The following MAGI1 variants were observed in gnomAD, a reference collection of about 807,000 sequenced individuals.
The protein encoded by MAGI1 is membrane associated guanylate kinase, WW and PDZ domain containing 1.
MAGI1 carries 58 observed loss-of-function variants against 139.9 expected under a neutral mutation model. That is an observed-to-expected ratio of 0.41 (90% confidence interval 0.34 to 0.52). The LOEUF is 0.52. Among genes scored for constraint, MAGI1 ranks in the 20% least tolerant of loss-of-function variants. MAGI1 has a pLI of 0.12. For synonymous variants in MAGI1, 812 were observed against 737.9 expected (o/e 1.10, Z -1.63); for missense variants, 1,874 against 1,901.6 (o/e 0.99, Z 0.27).
intron 22 of MAGI1, among the ~76,000 whole-genome samples, chr3:65,357,458 CCT>C (rs1229628997): frequency 2.6e-5 from 4 of 152,114 alleles, no homozygotes; most frequent in African/African-American, 7.2e-5. Context: ...ATCAAAATTT[CCT>C]CTCTGTAGCT....
chr3:65,666,211 T>C (rs1273185047), intron 1 of MAGI1, among the ~76,000 whole-genome samples: 3 of 152,198 alleles, frequency 2.0e-5, no homozygotes, highest in Admixed American at 6.5e-5. Context: ...TTTAAAACTT[T>C]CCATGTGTGT....
intron 1 of MAGI1, among the ~76,000 whole-genome samples, chr3:65,734,451 C>A (rs2034498473): frequency 2.3e-5 from 3 of 128,910 alleles, no homozygotes; most frequent in African/African-American, 3.3e-5. Context: ...CAGAGTGAGA[C>A]CCTGTCAAGA....
chr3:65,786,165 A>C (rs1319401360), intron 1 of MAGI1, among the ~76,000 whole-genome samples: 1 of 151,168 alleles, frequency 6.6e-6, no homozygotes, highest in East Asian at 2.0e-4. Context: ...CTTGTTGGCC[A>C]GGCTGGTCTC....
chr3:65,499,707 C>T (rs2077010395), intron 2 of MAGI1, among the ~76,000 whole-genome samples: 1 of 152,034 alleles, frequency 6.6e-6, no homozygotes, highest in South Asian at 2.1e-4. Context: ...AAACAAATTA[C>T]AGATTAAGAT....
intron 1 of MAGI1, among the ~76,000 whole-genome samples, chr3:65,854,016 G>A (rs907266785): frequency 2.6e-5 from 4 of 152,102 alleles, no homozygotes; most frequent in African/African-American, 9.7e-5. Context: ...GCTGAAGCAG[G>A]AGAATCACTT....
At chr3:65,833,818 T>G (rs2042659311) in intron 1 of MAGI1, among the ~76,000 whole-genome samples, 1 of 152,240 alleles carries the variant, frequency 6.6e-6, no homozygotes, top group African/African-American at 2.4e-5. Context: ...AACAATTACA[T>G]GAAGCCAAAA....
chr3:65,523,676 T>C (rs977186081), intron 2 of MAGI1, among the ~76,000 whole-genome samples: 1 of 152,146 alleles, frequency 6.6e-6, no homozygotes, highest in Non-Finnish European at 1.5e-5. Flanking sequence ...CCTCATGTGC[T>C]TGAAAAGGAA....
intron 1 of MAGI1, 28 bp from the exon 2 acceptor site, chr3:65,622,116 C>G (rs748767368): frequency 2.0e-6 from 3 of 1,473,370 alleles, no homozygotes; most frequent in South Asian, 1.1e-5. Context: ...AATAGACATA[C>G]CACATCAACA....
intron 1 of MAGI1, among the ~76,000 whole-genome samples, chr3:65,889,778 G>A (rs1025366517): frequency 1.3e-5 from 2 of 152,156 alleles, no homozygotes; most frequent in African/African-American, 4.8e-5. Context: ...TGGGGGCATG[G>A]GGGGTTGTCA....
At chr3:65,598,606 G>A (rs2082340392) in intron 2 of MAGI1, among the ~76,000 whole-genome samples, 2 of 152,152 alleles carry the variant, frequency 1.3e-5, no homozygotes, top group South Asian at 2.1e-4. Flanking sequence ...GAATTTGAAG[G>A]ATCCACTTTC....
chr3:65,414,748 G>A (rs1371090961), intron 12 of MAGI1, among the ~76,000 whole-genome samples: 1 of 151,690 alleles, frequency 6.6e-6, no homozygotes, highest in East Asian at 1.9e-4. Context: ...AGAAAAAAAA[G>A]AGGCACTGGG....
intron 1 of MAGI1, among the ~76,000 whole-genome samples, chr3:65,826,687 A>G (rs2042247815): frequency 6.6e-6 from 1 of 152,222 alleles, no homozygotes; most frequent in Non-Finnish European, 1.5e-5. Flanking sequence ...GTCTCTAATT[A>G]CATTAAGGGC....
At chr3:65,894,593 T>C (rs192535776) in intron 1 of MAGI1, among the ~76,000 whole-genome samples, 1 of 152,322 alleles carries the variant, frequency 6.6e-6, no homozygotes, top group East Asian at 1.9e-4. Flanking sequence ...TGAGGATTCG[T>C]GTAAGAAAAG....
At chr3:65,942,182 A>G (rs1050484936) in intron 1 of MAGI1, among the ~76,000 whole-genome samples, 8 of 152,092 alleles carry the variant, frequency 5.3e-5, no homozygotes, top group South Asian at 2.1e-4. Flanking sequence ...GTCTGAGAGA[A>G]GTGTTACTTT....
At chr3:65,499,252 GAC>G (rs2076992832) in intron 2 of MAGI1, among the ~76,000 whole-genome samples, 1 of 152,050 alleles carries the variant, frequency 6.6e-6, no homozygotes, top group African/African-American at 2.4e-5. Context: ...AGCCCTCCAA[GAC>G]ACAGAAAAAA....
At chr3:65,730,909 TG>T (rs201669514) in intron 1 of MAGI1, among the ~76,000 whole-genome samples, 1 of 137,072 alleles carries the variant, frequency 7.3e-6, no homozygotes, top group Non-Finnish European at 1.6e-5. Flanking sequence ...CCGGGGTTTT[TG>T]TTTTTTTTTT....
intron 1 of MAGI1, among the ~76,000 whole-genome samples, chr3:65,794,695 T>C (rs1445066518): frequency 6.6e-6 from 1 of 152,054 alleles, no homozygotes; most frequent in Non-Finnish European, 1.5e-5. Flanking sequence ...TCCACCCTGC[T>C]GTCCTCACTC....
chr3:65,543,516 G>A (rs747250703), intron 2 of MAGI1, among the ~76,000 whole-genome samples: 12 of 152,272 alleles, frequency 7.9e-5, no homozygotes, highest in South Asian at 4.1e-4. Flanking sequence ...GCCCATCAAT[G>A]ATAGACTGGA....
At chr3:65,952,135 C>T (rs1576231033) in intron 1 of MAGI1, among the ~76,000 whole-genome samples, 1 of 152,124 alleles carries the variant, frequency 6.6e-6, no homozygotes, top group East Asian at 1.9e-4. Context: ...TCTTAGCCCA[C>T]CCAAATTTGC....
Sources: gnomAD v4.1 joint callset for allele counts (sites outside exome capture counted in the v4.1 genomes callset) on GRCh38, gnomAD v4.1.1 for gene constraint, MANE v1.5 for transcripts, NCBI Gene and HGNC (gene_info 2026-07-23, HGNC 2026-07-21) for gene names.